Variants in LRRC36 observed in about 807,000 individuals in gnomAD.
LRRC36 encodes leucine rich repeat containing 36.
LRRC36 carries 62 observed loss-of-function variants against 81.1 expected under a neutral mutation model. That is an observed-to-expected ratio of 0.76 (90% CI 0.62 to 0.94). LRRC36 has a LOEUF of 0.94. LRRC36 is among the 40% of genes least tolerant of loss of function. LRRC36 has a pLI of 0.00. For synonymous variants in LRRC36, 334 were observed against 348.6 expected, an observed-to-expected ratio of 0.96 and a Z score of 0.47; for missense variants, 761 against 881.7, an observed-to-expected ratio of 0.86 and a Z score of 1.73.
chr16:67,372,651 T>C (rs187012809), intron 9 of LRRC36, among the ~76,000 whole-genome samples: 190 of 152,336 alleles, frequency 1.2e-3, no homozygotes, highest in Non-Finnish European at 2.2e-3. Flanking sequence ...ATTAATAATT[T>C]ACTGCCCTGT....
chr16:67,336,248 ACATCTTGG>A (rs2037756805), intron 1 of LRRC36, among the ~76,000 whole-genome samples: 1 of 152,350 alleles, frequency 6.6e-6, no homozygotes, highest in East Asian at 1.9e-4. Flanking sequence ...CTATTGAAGG[ACATCTTGG>A]TTGCTCCCAA....
Position 67,378,666 on chromosome 16 carries a change from A to G in LRRC36, c.1884A>G (p.Glu628=), listed in dbSNP as rs199724480. The part of the protein sequence containing the change: ...ILSEKIQQLE[E]GAAISIVSGQ... ...CAGAAAAAATTCAACAGTTGGAGGA[A>G]GGTGCTGCCATCTCAATTGTGAGTG... The change falls in exon 12 of 14, where the codon GAA becomes GAG. Residue 628 remains glutamate, a synonymous_variant. Transcript: ENST00000329956. The G allele has an allele frequency of 2.9e-5, 46 of 1,614,022 alleles. No homozygotes were observed. Among genetic ancestry groups the G allele is most frequent in the Admixed American group, 5.0e-5 (3 of 60,000 alleles).
chr16:67,336,293 TG>T (rs2037759028), intron 1 of LRRC36, among the ~76,000 whole-genome samples: 1 of 152,232 alleles, frequency 6.6e-6, no homozygotes, highest in African/African-American at 2.4e-5. Context: ...AGAAAGCTGC[TG>T]TAAACATTCA....
chr16:67,328,445 G>A (rs2037312779), intron 1 of LRRC36, among the ~76,000 whole-genome samples: 2 of 152,004 alleles, frequency 1.3e-5, no homozygotes, highest in Non-Finnish European at 2.9e-5. Context: ...CCCAGGAGGC[G>A]GAGCTTGCAG....
intron 5 of LRRC36, among the ~76,000 whole-genome samples, chr16:67,354,713 C>A (rs992192728): frequency 6.6e-6 from 1 of 152,168 alleles, no homozygotes; most frequent in African/African-American, 2.4e-5. Context: ...CATCCTGCCC[C>A]AGAGTGGTAC....
At chr16:67,335,363 G>T (rs552253671) in intron 1 of LRRC36, among the ~76,000 whole-genome samples, 38 of 152,296 alleles carry the variant, frequency 2.5e-4, no homozygotes, top group Non-Finnish European at 3.5e-4. Context: ...GAGAAATATG[G>T]CTCTGTTCCA....
In LRRC36 at chr16:67,365,313, G is replaced by A. The variant is rs186182779; in HGVS notation, c.712G>A (p.Val238Ile). 6.2e-7 allele frequency: 1 copy of A among 1,613,110 alleles called. No individual in the cohort carries two copies. The highest frequency in any genetic ancestry group is 1.3e-5 in the African/African-American group (1 of 75,016). Residue 238 changes from valine (V) to isoleucine (I), a missense_variant, in exon 7 of 14, where the codon GTA becomes ATA. Coordinates refer to ENST00000329956, the MANE Select transcript of LRRC36 (RefSeq NM_018296.6). The part of the protein sequence containing the change: ...TFPLGTQTQE[V>I]ARREMPSDNH... ...TTCGAACTTTTTTTAGACACAGGAA[G>A]TAGCAAGAAGGGAGATGCCAAGTGA... is the stretch of plus-strand genomic sequence containing the variant.
At chr16:67,338,926 G>A (rs1289403443) in intron 1 of LRRC36, among the ~76,000 whole-genome samples, 4 of 109,128 alleles carry the variant, frequency 3.7e-5, no homozygotes, top group South Asian at 2.9e-4. Context: ...ACAGAGTCTC[G>A]CTCTGTTGCC....
intron 5 of LRRC36, among the ~76,000 whole-genome samples, chr16:67,361,876 T>A (rs1195305166): frequency 6.6e-6 from 1 of 152,132 alleles, no homozygotes; most frequent in African/African-American, 2.4e-5. Flanking sequence ...CCTAACAGTA[T>A]TTTTTAATGA....
intron 5 of LRRC36, among the ~76,000 whole-genome samples, chr16:67,351,690 G>A (rs1017163497): frequency 1.3e-5 from 2 of 152,198 alleles, no homozygotes; most frequent in African/African-American, 4.8e-5. Flanking sequence ...CTGAGCGACA[G>A]AGTGAGACTC....
chr16:67,356,975 T>C lies in LRRC36; in HGVS notation c.578-6615T>C, dbSNP rs571568500. 1.2e-4 allele frequency among the ~76,000 whole-genome samples: 19 copies of C among 152,260 alleles called. No individual in the cohort carries two copies. The East Asian group carries it at 3.7e-3, about 29-fold the overall frequency. ...TTATTCTCTTGAAAATAGGTAATAA[T>C]AAGGATCTCTTAGAGGTGAGGCATG... On this transcript the variant is annotated intron_variant, in intron 5 of 13. Coordinates refer to ENST00000329956, the MANE Select transcript of LRRC36 (RefSeq NM_018296.6).
intron 1 of LRRC36, among the ~76,000 whole-genome samples, chr16:67,330,737 T>C (rs1033752090): frequency 4.6e-5 from 7 of 151,858 alleles, no homozygotes; most frequent in African/African-American, 1.7e-4. Flanking sequence ...TGGTGGCAGG[T>C]GCCTATAATC....
At chr16:67,373,707 CAAAAAA>C (rs552146686) in intron 9 of LRRC36, among the ~76,000 whole-genome samples, 3 of 35,396 alleles carry the variant, frequency 8.5e-5, no homozygotes, top group Non-Finnish European at 2.1e-4. Context: ...GACTCTGTCT[CAAAAAA>C]AAAAAAAAAA....
chr16:67,330,113 T>C (rs1344804087), intron 1 of LRRC36, among the ~76,000 whole-genome samples: 1 of 152,196 alleles, frequency 6.6e-6, no homozygotes, highest in East Asian at 1.9e-4. Context: ...GTTAAACATT[T>C]TCCCGTGTTC....
intron 10 of LRRC36, 99 bp from the exon 11 acceptor site, chr16:67,376,628 A>C: frequency 8.0e-7 from 1 of 1,247,868 alleles, no homozygotes; most frequent in East Asian, 2.4e-5. Context: ...GAGATAATAC[A>C]TTAGCCTATT....
intron 1 of LRRC36, among the ~76,000 whole-genome samples, chr16:67,339,685 G>A (rs956805405): frequency 1.3e-5 from 2 of 152,094 alleles, no homozygotes; most frequent in African/African-American, 4.8e-5. Flanking sequence ...AACATGACAT[G>A]CTTCCTGAGA....
intron 8 of LRRC36, 44 bp downstream of exon 8, chr16:67,367,501 AAG>A (rs777996328): frequency 1.3e-6 from 2 of 1,506,936 alleles, no homozygotes; most frequent in Non-Finnish European, 1.8e-6. Context: ...CATAGGCATG[AAG>A]ATAGAAGATA....
chr16:67,343,731 A>G (rs2038205620), intron 2 of LRRC36, among the ~76,000 whole-genome samples: 1 of 152,058 alleles, frequency 6.6e-6, no homozygotes, highest in African/African-American at 2.4e-5. Context: ...GTAATCAAAT[A>G]GAACATATAT....
chr16:67,362,709 A>G (rs1279896895), intron 5 of LRRC36, among the ~76,000 whole-genome samples: 1 of 152,140 alleles, frequency 6.6e-6, no homozygotes, highest in Non-Finnish European at 1.5e-5. Context: ...AGACCTAAGG[A>G]TTTAGCATTC....
Sources: gnomAD v4.1 joint callset for allele counts (sites outside exome capture counted in the v4.1 genomes callset) on GRCh38, gnomAD v4.1.1 for gene constraint, MANE v1.5 for transcripts, NCBI Gene and HGNC (gene_info 2026-07-23, HGNC 2026-07-21) for gene names.